FRS2: variants seen among roughly 807,000 people sequenced by gnomAD.
FRS2 encodes the protein fibroblast growth factor receptor substrate 2.
Under a neutral mutation model 43.9 loss-of-function variants are expected in FRS2, and 8 were observed. That is an observed-to-expected ratio of 0.18 (90% CI 0.11 to 0.33). The LOEUF (loss-of-function observed/expected upper bound fraction) is 0.33. Ranked by LOEUF, FRS2 falls within the 10% of genes least tolerant of loss-of-function variation. The pLI is 1.00. For synonymous variants in FRS2, 219 were observed against 220.3 expected, an observed-to-expected ratio of 0.99 and a Z score of 0.05; for missense variants, 534 against 627.6, an observed-to-expected ratio of 0.85 and a Z score of 1.59.
intron 3 of FRS2, among the ~76,000 whole-genome samples, chr12:69,552,961 T>C (rs1424734920): frequency 1.3e-5 from 2 of 152,208 alleles, no homozygotes. Flanking sequence ...TAGGACTTAC[T>C]GTACTTTGTG....
rs141728633 is a variant in FRS2, at chr12:69,534,305, C to T, written c.-122+2249C>T. On this transcript the variant is annotated intron_variant, in intron 3 of 8. Transcript: ENST00000549921. ...GTACCTTTTTGTTTCATGTTCCACT[C>T]TTAGAGTTCCTTATTAGCTGGCTTG... Among the ~76,000 whole-genome samples the T allele has an allele frequency of 2.7e-3, 409 of 152,214 alleles. 3 individuals are homozygous for T. Among genetic ancestry groups the T allele is most frequent in the African/African-American group, 9.1e-3 (379 of 41,542 alleles).
chr12:69,527,552 C>T (rs1018696771), intron 1 of FRS2, among the ~76,000 whole-genome samples: 3 of 151,724 alleles, frequency 2.0e-5, no homozygotes, highest in South Asian at 2.1e-4. Context: ...TGGGATTTGT[C>T]GTTAATAACT....
At chr12:69,537,209 T>C (rs191674589) in intron 3 of FRS2, among the ~76,000 whole-genome samples, 47 of 152,324 alleles carry the variant, frequency 3.1e-4, no homozygotes, top group Non-Finnish European at 1.0e-4. Context: ...ATTCTTCTTA[T>C]GCACACATAC....
At chr12:69,527,343 ATTTTTTTTT>A (rs1166365306) in intron 1 of FRS2, among the ~76,000 whole-genome samples, 17 of 84,238 alleles carry the variant, frequency 2.0e-4, no homozygotes, top group South Asian at 1.6e-3. Context: ...TTTTTTAATG[ATTTTTTTTT>A]TTTTTTTTTT....
rs61754564 is a variant in FRS2, at chr12:69,574,054, G to A, written c.626G>A (p.Arg209His). ...GGTGTGCAAGAAGAGCGGAAAAACC[G>A]CACAAGTGTGCATGTTCCATTGGAG... ...TTGVQEERKNRTSVHVPLEAR... is the reference protein window; with the variant it reads ...TTGVQEERKNHTSVHVPLEAR... The change falls in exon 9 of 9, where the codon CGC becomes CAC. Residue 209 changes from arginine (R) to histidine (H), a missense_variant. Around this residue, in one of 3 missense-constraint regions of FRS2, gnomAD observed 446 missense variants for 494.2 expected, o/e 0.90. Transcript: ENST00000549921. 2.3e-5 allele frequency: 37 copies of A among 1,613,882 alleles called. No individual in the cohort carries two copies. Among genetic ancestry groups the A allele is most frequent in the African/African-American group, 4.0e-5 (3 of 74,916 alleles).
rs576091065 is a variant in FRS2, at chr12:69,512,566, AT to A, written c.-260-18291del. ...GTGAGTGGATTGTGACCAGAAAAGA[AT>A]TTTTTTTGTTGAGTTGCATACACTT... On this transcript the variant is annotated intron_variant, in intron 1 of 8. Coordinates refer to ENST00000549921, the MANE Select transcript of FRS2 (RefSeq NM_001278356.2). 1.4e-3 allele frequency among the ~76,000 whole-genome samples: 214 copies of A among 152,046 alleles called. 2 individuals carry two copies. Among genetic ancestry groups the A allele is most frequent in the African/African-American group, 4.8e-3 (200 of 41,492 alleles).
At chr12:69,534,580 G>A (rs545934020) in intron 3 of FRS2, among the ~76,000 whole-genome samples, 4 of 152,274 alleles carry the variant, frequency 2.6e-5, no homozygotes, top group African/African-American at 9.6e-5. Context: ...GGTTGCTAAG[G>A]TGACCATGGC....
At chr12:69,530,434 A>G (rs890849988) in intron 1 of FRS2, among the ~76,000 whole-genome samples, 1 of 152,042 alleles carries the variant, frequency 6.6e-6, no homozygotes, top group Non-Finnish European at 1.5e-5. Context: ...TTTTATGAGA[A>G]GGTTGCTCAA....
chr12:69,517,127 TGTAG>T (rs1875134128), intron 1 of FRS2, among the ~76,000 whole-genome samples: 1 of 152,202 alleles, frequency 6.6e-6, no homozygotes, highest in Non-Finnish European at 1.5e-5. Flanking sequence ...CCCTCACAGC[TGTAG>T]TTACCTTTTC....
At chr12:69,560,390 A>G (rs1185988770) in intron 3 of FRS2, among the ~76,000 whole-genome samples, 2 of 152,238 alleles carry the variant, frequency 1.3e-5, no homozygotes, top group Non-Finnish European at 2.9e-5. Flanking sequence ...GGTCAAAGGC[A>G]TGCAGCATTG....
chr12:69,514,397 C>A (rs1302650050), intron 1 of FRS2, among the ~76,000 whole-genome samples: 1 of 152,190 alleles, frequency 6.6e-6, no homozygotes, highest in Non-Finnish European at 1.5e-5. Flanking sequence ...AACTGCTCCA[C>A]CATTAGTGTG....
At chr12:69,557,080 G>A (rs751495365) in intron 3 of FRS2, among the ~76,000 whole-genome samples, 17 of 152,128 alleles carry the variant, frequency 1.1e-4, no homozygotes, top group Admixed American at 2.0e-4. Flanking sequence ...TTTAGTAAAT[G>A]GGTATTGGGT....
chr12:69,570,206 G>A, intron 5 of FRS2, 125 bp from the exon 6 acceptor site: 1 of 712,542 alleles, frequency 1.4e-6, no homozygotes, highest in South Asian at 1.7e-5. Context: ...CGGCTACGTA[G>A]TCCATGCCTG....
intron 3 of FRS2, among the ~76,000 whole-genome samples, chr12:69,550,815 G>A (rs1237880465): frequency 6.6e-6 from 1 of 152,166 alleles, no homozygotes; most frequent in Non-Finnish European, 1.5e-5. Flanking sequence ...GCTTCAACAT[G>A]AGTATTTTAT....
intron 3 of FRS2, among the ~76,000 whole-genome samples, chr12:69,550,181 G>T (rs1384426240): frequency 6.6e-6 from 1 of 152,168 alleles, no homozygotes; most frequent in African/African-American, 2.4e-5. Context: ...TGTATGTACT[G>T]TCAACCTCAA....
intron 3 of FRS2, among the ~76,000 whole-genome samples, chr12:69,550,239 A>G (rs903942512): frequency 7.9e-5 from 12 of 152,176 alleles, no homozygotes; most frequent in African/African-American, 2.2e-4. Context: ...CAGTCTAATC[A>G]ATCATCAGGT....
chr12:69,532,416 G>C (rs1226739239), intron 3 of FRS2, among the ~76,000 whole-genome samples: 2 of 152,118 alleles, frequency 1.3e-5, no homozygotes, highest in Non-Finnish European at 1.5e-5. Context: ...AGGAGTAGAG[G>C]GTTCATAGGA....
intron 1 of FRS2, among the ~76,000 whole-genome samples, chr12:69,487,401 A>G (rs1872052382): frequency 6.6e-6 from 1 of 152,142 alleles, no homozygotes; most frequent in Non-Finnish European, 1.5e-5. Flanking sequence ...TGGTAAATCT[A>G]CTCTGTGCTT....
At chr12:69,488,261 G>T (rs528709421) in intron 1 of FRS2, among the ~76,000 whole-genome samples, 3 of 152,044 alleles carry the variant, frequency 2.0e-5, no homozygotes, top group Admixed American at 6.6e-5. Context: ...CATTTGATGC[G>T]GCAAGTGATT....
Sources: gnomAD v4.1 joint callset for allele counts (sites outside exome capture counted in the v4.1 genomes callset) on GRCh38, gnomAD v4.1.1 for gene constraint, gnomAD v4.1.1 regional missense constraint, MANE v1.5 for transcripts, NCBI Gene and HGNC (gene_info 2026-07-23, HGNC 2026-07-21) for gene names.